The following RELN variants were observed in gnomAD, a reference collection of about 807,000 sequenced individuals.
RELN encodes the protein reelin.
RELN carries 108 observed loss-of-function variants against 427.6 expected under a neutral mutation model. The observed-to-expected ratio is 0.25, with a 90% CI of 0.22 to 0.30. The LOEUF is 0.30. Among genes scored for constraint, RELN ranks in the 10% least tolerant of loss-of-function variants. The pLI is 1.00. For missense variants in RELN, 3,715 were observed against 4,302.8 expected (o/e 0.86, Z 3.82); for synonymous variants, 1,524 against 1,513.4 (o/e 1.01, Z -0.16).
At chr7:103,490,630 A>G in intron 59 of RELN, 38 bp downstream of exon 59, 1 of 1,607,652 alleles carries the variant, frequency 6.2e-7, no homozygotes, top group Non-Finnish European at 8.5e-7. Context: ...TAGAGAGGCC[A>G]GATAATTTCA....
At chr7:103,964,144 G>A (rs2116799421) in intron 1 of RELN, among the ~76,000 whole-genome samples, 1 of 152,152 alleles carries the variant, frequency 6.6e-6, no homozygotes, top group East Asian at 1.9e-4. Flanking sequence ...GGGTGATAGA[G>A]CGAGACCCTG....
intron 33 of RELN, 144 bp downstream of exon 33, chr7:103,566,080 T>A (rs1830744018): frequency 1.4e-6 from 1 of 723,768 alleles, no homozygotes; most frequent in Admixed American, 2.2e-5. Flanking sequence ...CTTAGCACAA[T>A]AAAACTTTTT....
At position 103,917,097 on chromosome 7, in the gene RELN, T is replaced by G; in HGVS notation, c.315A>C (p.Gly105=). ...TACCAAATCCGAAAGCACTGGAACC[T>G]CCAATGCTCTGTGATGCCTGAACAC... ...STSVQASQSI[G]GSSAFGFGIM... The change falls in exon 2 of 65, where the codon GGA becomes GGC. Residue 105 remains glycine, a synonymous_variant. Coordinates refer to ENST00000428762, the MANE Select transcript of RELN (RefSeq NM_005045.4). 2 of 1,613,534 alleles carry G rather than the reference T, an allele frequency of 1.2e-6. No homozygotes were observed. The highest frequency in any genetic ancestry group is 1.7e-6 in the Non-Finnish European group (2 of 1,179,674).
intron 8 of RELN, among the ~76,000 whole-genome samples, chr7:103,706,254 A>G (rs935923504): frequency 6.6e-6 from 1 of 152,104 alleles, no homozygotes; most frequent in African/African-American, 2.4e-5. Context: ...CTCTGAGAGC[A>G]GGCTAGTAAG....
intron 1 of RELN, among the ~76,000 whole-genome samples, chr7:103,963,718 AAC>A (rs1796607983): frequency 1.3e-5 from 2 of 152,240 alleles, no homozygotes; most frequent in Admixed American, 1.3e-4. Flanking sequence ...TTTCATAACA[AAC>A]AGAAAGGAAA....
chr7:103,926,627 G>GTTTTTTTTTTTT (rs60259062), intron 1 of RELN, among the ~76,000 whole-genome samples: 7 of 99,480 alleles, frequency 7.0e-5, no homozygotes, highest in African/African-American at 1.4e-4. Context: ...AGTATCATAA[G>GTTTTTTTTTTTT]TTTTTTTTTT....
At chr7:103,661,352 C>T (rs375784458) in intron 12 of RELN, 24 bp downstream of exon 12, 4 of 1,613,012 alleles carry the variant, frequency 2.5e-6, no homozygotes, top group African/African-American at 2.7e-5. Flanking sequence ...CCACGGTGAA[C>T]AAAGTTTGTG....
intron 1 of RELN, among the ~76,000 whole-genome samples, chr7:103,963,250 G>A (rs910203903): frequency 1.3e-4 from 20 of 150,130 alleles, no homozygotes; most frequent in Non-Finnish European, 2.7e-4. Flanking sequence ...GCAATCATAA[G>A]ACAAACCTTA....
chr7:103,487,718 A>G (rs183449848), intron 60 of RELN, among the ~76,000 whole-genome samples: 95 of 152,254 alleles, frequency 6.2e-4, no homozygotes, highest in Non-Finnish European at 1.0e-3. Context: ...AGGCCTATCT[A>G]ATTTCTTTTT....
At position 103,504,815 on chromosome 7, in the gene RELN, T is replaced by TAAGA. The variant is rs1584243454; in HGVS notation, c.8275-1589_8275-1586dup. ...CCCACCCCCACGGAGCCCAGCAAGG[T>TAAGA]AAGATTCACTGGCTTGAAATTCTCG... On this transcript the variant is annotated intron_variant, in intron 51 of 64. Coordinates refer to ENST00000428762, the MANE Select transcript of RELN (RefSeq NM_005045.4). 3.3e-5 allele frequency among the ~76,000 whole-genome samples: 5 copies of TAAGA among 152,214 alleles called. No homozygotes were observed. In the East Asian group the frequency reaches 9.6e-4, roughly 29 times the overall value.
chr7:103,965,482 T>G (rs1229975842), intron 1 of RELN, among the ~76,000 whole-genome samples: 1 of 152,200 alleles, frequency 6.6e-6, no homozygotes, highest in Non-Finnish European at 1.5e-5. Context: ...AGCCCTATAC[T>G]CATAAAATCA....
intron 6 of RELN, among the ~76,000 whole-genome samples, chr7:103,732,316 C>T (rs1327618085): frequency 6.6e-6 from 1 of 152,108 alleles, no homozygotes; most frequent in East Asian, 1.9e-4. Context: ...AAACCATCAT[C>T]ATAATCCTTC....
At chr7:103,905,349 C>T (rs544294804) in intron 2 of RELN, among the ~76,000 whole-genome samples, 72 of 152,270 alleles carry the variant, frequency 4.7e-4, no homozygotes, top group Non-Finnish European at 9.3e-4. Context: ...CTGCCACCTC[C>T]AGGAGAGAAA....
chr7:103,480,607 A>T (rs976260005), intron 63 of RELN, among the ~76,000 whole-genome samples: 8 of 152,214 alleles, frequency 5.3e-5, no homozygotes, highest in African/African-American at 9.6e-5. Context: ...CAACTCATTT[A>T]TTGAACGTAG....
intron 12 of RELN, among the ~76,000 whole-genome samples, chr7:103,654,457 T>G (rs1425060856): frequency 3.3e-5 from 5 of 152,102 alleles, no homozygotes; most frequent in Non-Finnish European, 7.4e-5. Context: ...CTCAAATAAT[T>G]GTCTACTTTG....
chr7:103,775,017 A>G (rs1310825651), intron 4 of RELN, among the ~76,000 whole-genome samples: 1 of 152,158 alleles, frequency 6.6e-6, no homozygotes, highest in African/African-American at 2.4e-5. Context: ...TTTAAATGAA[A>G]CCAACCCCAA....
At chr7:103,721,790 A>ATTAT (rs1197073948) in intron 8 of RELN, among the ~76,000 whole-genome samples, 1 of 152,188 alleles carries the variant, frequency 6.6e-6, no homozygotes, top group Non-Finnish European at 1.5e-5. Flanking sequence ...ATACTGATAC[A>ATTAT]TTATTAACCA....
chr7:103,669,336 C>T lies in RELN; in HGVS notation c.1290-7809G>A, dbSNP rs76504294. On this transcript the variant is annotated intron_variant, in intron 11 of 64. Transcript: ENST00000428762. ...GCAAAAGTCCTGTTGCTTTGAATAACTTACTTTGCATTTATTAAAAATTCA... is the reference window on the plus strand; with the variant it reads ...GCAAAAGTCCTGTTGCTTTGAATAATTTACTTTGCATTTATTAAAAATTCA... Among the ~76,000 whole-genome samples, 665 of 152,264 alleles carry T rather than the reference C, an allele frequency of 4.4e-3. 2 individuals are homozygous for T. Among genetic ancestry groups the T allele is most frequent in the African/African-American group, 0.015 (640 of 41,564 alleles).
intron 1 of RELN, among the ~76,000 whole-genome samples, chr7:103,970,262 C>T (rs1001167106): frequency 2.6e-5 from 4 of 151,860 alleles, no homozygotes; most frequent in African/African-American, 7.3e-5. Context: ...CCTGCCTCAG[C>T]CTCCTGAGTA....
Sources: allele counts gnomAD v4.1 joint callset (sites outside exome capture counted in the v4.1 genomes callset), GRCh38; gene constraint gnomAD v4.1.1; transcripts MANE v1.5; gene names NCBI Gene and HGNC (gene_info 2026-07-23, HGNC 2026-07-21).